FBLIM1: variants seen among roughly 807,000 people sequenced by gnomAD.
The protein encoded by FBLIM1 is filamin binding LIM protein 1.
Under a neutral mutation model 37.4 loss-of-function variants are expected in FBLIM1, and 29 were observed. That is an observed-to-expected ratio of 0.77 (90% CI 0.58 to 1.06). FBLIM1 has a LOEUF of 1.06. Ranked by LOEUF, FBLIM1 falls within the 50% of genes least tolerant of loss-of-function variation. The pLI is 0.00. For missense variants in FBLIM1, 449 were observed against 505.6 expected, an observed-to-expected ratio of 0.89 and a Z score of 1.07; for synonymous variants, 193 against 199.0, an observed-to-expected ratio of 0.97 and a Z score of 0.25.
chr1:15,761,986 C>T (rs149089502), intron 1 of FBLIM1, among the ~76,000 whole-genome samples: 267 of 152,294 alleles, frequency 1.8e-3, no homozygotes, highest in African/African-American at 6.3e-3. Context: ...TCAGCCTTGG[C>T]CACAGGGACT....
At position 15,778,842 on chromosome 1, in the gene FBLIM1, A is replaced by C. The variant is rs370329273; in HGVS notation, c.1008+1555A>C. Among the ~76,000 whole-genome samples the C allele has an allele frequency of 1.2e-3, 183 of 151,960 alleles. 1 individual carries two copies. The South Asian group carries it at 0.017, about 14-fold the overall frequency. ...TTTTTAGTAAAGATGTGGTTTCTCCATGTTGGTCAGGCTGGTCTCAAACTC... is the reference window on the plus strand; with the variant it reads ...TTTTTAGTAAAGATGTGGTTTCTCCCTGTTGGTCAGGCTGGTCTCAAACTC... On this transcript the variant is annotated intron_variant, in intron 8 of 8. Transcript: ENST00000375766.
intron 8 of FBLIM1, among the ~76,000 whole-genome samples, chr1:15,781,526 A>G (rs1300348705): frequency 3.2e-5 from 2 of 61,564 alleles, no homozygotes; most frequent in Non-Finnish European, 7.0e-5. Flanking sequence ...GTCTCAAAAA[A>G]AAAAAAAAAA....
At chr1:15,775,176 C>T (rs1285409406) in intron 7 of FBLIM1, 6 of 231,226 alleles carry the variant, frequency 2.6e-5, no homozygotes, top group Admixed American at 6.0e-5. Flanking sequence ...GCCGAGATCA[C>T]GCCACTGCAC....
At chr1:15,764,133 G>C (rs1248547286) in intron 1 of FBLIM1, among the ~76,000 whole-genome samples, 1 of 152,124 alleles carries the variant, frequency 6.6e-6, no homozygotes, top group Non-Finnish European at 1.5e-5. Context: ...AAGCAAGGAG[G>C]GTGCTGGCTC....
Position 15,774,516 on chromosome 1 carries a change from C to A in FBLIM1, c.712-102C>A. ...TTGTCTGCAGGCCTCTCCTGTACTT[C>A]CCAGTTCCTGGGCCCCTGAGGGCAG... On this transcript the variant is annotated intron_variant, in intron 6 of 8. Coordinates refer to ENST00000375766, the MANE Select transcript of FBLIM1 (RefSeq NM_017556.4). 5 of 1,471,518 alleles carry A rather than the reference C, an allele frequency of 3.4e-6. No homozygotes were observed. In the South Asian group the frequency reaches 6.8e-5, roughly 20 times the overall value. The allele number at this position is 1,471,518 out of a possible 1,614,324, so 91.2% of individuals were successfully genotyped here.
intron 8 of FBLIM1, among the ~76,000 whole-genome samples, chr1:15,777,544 A>C (rs2069527888): frequency 6.8e-6 from 1 of 146,996 alleles, no homozygotes; most frequent in African/African-American, 2.5e-5. Context: ...CACTGATGGT[A>C]TTGAGCGATG....
Position 15,784,592 on chromosome 1 carries a change from C to T in FBLIM1, c.1053C>T (p.Cys351=). 6.2e-7 allele frequency: 1 copy of T among 1,614,164 alleles called. No homozygotes were observed. The highest frequency in any genetic ancestry group is 1.3e-5 in the African/African-American group (1 of 75,064). ...CTGTCGAGCCCACGGACCAAGGCTG[C>T]TACCCCCTGAACAACCATCTCTTCT... The part of the protein sequence containing the change: ...LLSVEPTDQG[C]YPLNNHLFCK... Residue 351 remains cysteine (C), a synonymous_variant, in exon 9 of 9, where the codon TGC becomes TGT. Transcript: ENST00000375766.
At chr1:15,767,238 G>A in intron 3 of FBLIM1, 138 bp from the exon 4 acceptor site, 1 of 663,756 alleles carries the variant, frequency 1.5e-6, no homozygotes, top group South Asian at 2.3e-5. Context: ...ATCAGTGGCA[G>A]AGTTAGACAT....
chr1:15,770,295 G>A (rs912979526), intron 5 of FBLIM1, 114 bp from the exon 6 acceptor site: 21 of 1,114,200 alleles, frequency 1.9e-5, no homozygotes, highest in African/African-American at 4.7e-5. Context: ...TGTCATTTGA[G>A]GAATTTGCAG....
rs2148504326 is a variant in FBLIM1 at position 15,765,477 on chromosome 1, G to A, written c.250+244G>A. 6.6e-6 allele frequency among the ~76,000 whole-genome samples: 1 copy of A among 152,166 alleles called. No individual in the cohort carries two copies. The highest frequency in any genetic ancestry group is 1.5e-5 in the Non-Finnish European group (1 of 68,002). On this transcript the variant is annotated intron_variant, in intron 3 of 8. Coordinates refer to ENST00000375766, the MANE Select transcript of FBLIM1 (RefSeq NM_017556.4). The surrounding 1 kb of genome is among the most constrained non-coding windows in gnomAD (Gnocchi z 5.9). Reference sequence around the variant, plus strand: ...TATGGGAAGAGGATCTTGGGAGTGTGGGAACAAGATCAAACTTGCCTGGGA... The same window carrying A: ...TATGGGAAGAGGATCTTGGGAGTGTAGGAACAAGATCAAACTTGCCTGGGA...
At chr1:15,759,499 C>T (rs1037102394) in intron 1 of FBLIM1, among the ~76,000 whole-genome samples, 2 of 152,172 alleles carry the variant, frequency 1.3e-5, no homozygotes, top group Admixed American at 1.3e-4. Flanking sequence ...CGCCCAGATT[C>T]CTGCTCTTAA....
chr1:15,779,142 G>A (rs893177905), intron 8 of FBLIM1, among the ~76,000 whole-genome samples: 37 of 151,818 alleles, frequency 2.4e-4, no homozygotes, highest in African/African-American at 8.5e-4. Flanking sequence ...CTCCATGTTG[G>A]CCAGGCTGGT....
chr1:15,769,374 G>A (rs977819316), intron 5 of FBLIM1, among the ~76,000 whole-genome samples: 3 of 152,134 alleles, frequency 2.0e-5, no homozygotes, highest in African/African-American at 7.2e-5. Context: ...CTACTCGGGA[G>A]GCTGAGGCAG....
chr1:15,771,400 C>T (rs1355805964), intron 6 of FBLIM1, among the ~76,000 whole-genome samples: 1 of 151,708 alleles, frequency 6.6e-6, no homozygotes, highest in African/African-American at 2.4e-5. Context: ...GTGCCTGCCA[C>T]CATGCCCAAC....
At chr1:15,772,838 A>G (rs1019419999) in intron 6 of FBLIM1, among the ~76,000 whole-genome samples, 2 of 152,120 alleles carry the variant, frequency 1.3e-5, no homozygotes, top group Non-Finnish European at 2.9e-5. Flanking sequence ...AAGAGAATGC[A>G]TATATACCTA....
intron 5 of FBLIM1, among the ~76,000 whole-genome samples, chr1:15,769,132 G>A (rs1483129225): frequency 6.6e-6 from 1 of 152,148 alleles, no homozygotes; most frequent in Non-Finnish European, 1.5e-5. Context: ...CTCTTCTGCT[G>A]TTCACTTTCT....
intron 8 of FBLIM1, among the ~76,000 whole-genome samples, chr1:15,777,921 T>C (rs2069540596): frequency 1.3e-5 from 2 of 152,152 alleles, no homozygotes. Flanking sequence ...CTTCATTTTC[T>C]CTGCCTGTGG....
At chr1:15,763,528 C>T (rs1228043162) in intron 1 of FBLIM1, among the ~76,000 whole-genome samples, 5 of 149,370 alleles carry the variant, frequency 3.3e-5, no homozygotes, top group East Asian at 2.2e-4. Flanking sequence ...CCCAGCTACT[C>T]GGGAGGCTGA....
upstream of FBLIM1, chr1:15,758,147 G>A (rs539605321): frequency 3.3e-5 from 5 of 152,362 alleles, no homozygotes; most frequent in African/African-American, 7.2e-5. The surrounding 1 kb of genome is among the most constrained non-coding windows in gnomAD (Gnocchi z 6.2). Flanking sequence ...CACAGTCCTG[G>A]CTGTAACTGT....
Sources: gnomAD v4.1 joint callset for allele counts (sites outside exome capture counted in the v4.1 genomes callset) on GRCh38, gnomAD v4.1.1 for gene constraint, Gnocchi (gnomAD v3.1) non-coding constraint, MANE v1.5 for transcripts, NCBI Gene and HGNC (gene_info 2026-07-23, HGNC 2026-07-21) for gene names.